ULK4: variants seen among roughly 807,000 people sequenced by gnomAD.
ULK4 encodes the protein unc-51 like kinase 4.
A neutral mutation model predicts 160.6 loss-of-function variants in ULK4; 133 were observed. That is an observed-to-expected ratio of 0.83 (90% confidence interval 0.72 to 0.96). The LOEUF (loss-of-function observed/expected upper bound fraction) is 0.96, where lower values mean the gene tolerates loss of function less well. Ranked by LOEUF, ULK4 falls within the 40% of genes least tolerant of loss-of-function variation. The pLI is 0.00. For missense variants in ULK4, 1,580 were observed against 1,499.5 expected (o/e 1.05, Z -0.89); for synonymous variants, 534 against 539.8 (o/e 0.99, Z 0.15).
At chr3:41,501,269 G>A (rs1284180014) in intron 32 of ULK4, among the ~76,000 whole-genome samples, 4 of 152,144 alleles carry the variant, frequency 2.6e-5, no homozygotes, top group East Asian at 3.9e-4. Context: ...AGGCCGAGAC[G>A]GGCGGATCAC....
chr3:41,841,529 C>T (rs1468438990), intron 17 of ULK4, among the ~76,000 whole-genome samples: 1 of 150,550 alleles, frequency 6.6e-6, no homozygotes, highest in East Asian at 2.0e-4. Flanking sequence ...CTCTGCCCAG[C>T]CGCCCTTCGT....
At chr3:41,842,139 C>CAAAAAAAAAAAAAAAAAAAA (rs60925540) in intron 17 of ULK4, among the ~76,000 whole-genome samples, 1 of 68,782 alleles carries the variant, frequency 1.5e-5, no homozygotes, top group Non-Finnish European at 3.2e-5. Flanking sequence ...TCAATAAATA[C>CAAAAAAAAAAAAAAAAAAAA]AAAAAAAAAA....
chr3:41,614,586 A>G (rs2032867224), intron 31 of ULK4, among the ~76,000 whole-genome samples: 1 of 152,188 alleles, frequency 6.6e-6, no homozygotes, highest in African/African-American at 2.4e-5. Flanking sequence ...TCCAGGCTCT[A>G]ACCTTACATG....
chr3:41,675,534 G>A (rs1210418940), intron 29 of ULK4, among the ~76,000 whole-genome samples: 1 of 152,132 alleles, frequency 6.6e-6, no homozygotes, highest in Non-Finnish European at 1.5e-5. Flanking sequence ...AGGTTGCAGT[G>A]AGCCAGGATT....
chr3:41,505,375 T>A (rs1273388048), intron 32 of ULK4, among the ~76,000 whole-genome samples: 2 of 152,168 alleles, frequency 1.3e-5, no homozygotes, highest in Non-Finnish European at 2.9e-5. Context: ...CAGAATCATA[T>A]ATGAGATCCA....
intron 35 of ULK4, among the ~76,000 whole-genome samples, chr3:41,275,901 T>C (rs2079221362): frequency 6.6e-6 from 1 of 152,244 alleles, no homozygotes; most frequent in South Asian, 2.1e-4. Flanking sequence ...TCATTGGGTA[T>C]GGGCTTTGTC....
At chr3:41,378,051 A>C (rs890631650) in intron 35 of ULK4, among the ~76,000 whole-genome samples, 6 of 151,972 alleles carry the variant, frequency 3.9e-5, no homozygotes, top group African/African-American at 1.5e-4. Context: ...GCCATAAAAA[A>C]GGATGAGTTC....
At chr3:41,378,785 AAAATAAAAT>A (rs1196312008) in intron 35 of ULK4, among the ~76,000 whole-genome samples, 9 of 151,812 alleles carry the variant, frequency 5.9e-5, no homozygotes, top group Non-Finnish European at 1.3e-4. Context: ...TATAATAAAT[AAAATAAAAT>A]AAATAAAATA....
At chr3:41,841,415 G>T (rs1233695879) in intron 17 of ULK4, among the ~76,000 whole-genome samples, 1 of 150,090 alleles carries the variant, frequency 6.7e-6, no homozygotes, top group East Asian at 2.0e-4. Flanking sequence ...GAGCGCCTGT[G>T]CCCGGCCGCC....
At chr3:41,522,987 C>A (rs1399165361) in intron 32 of ULK4, among the ~76,000 whole-genome samples, 1 of 152,176 alleles carries the variant, frequency 6.6e-6, no homozygotes, top group Non-Finnish European at 1.5e-5. Flanking sequence ...TCTCTGCTCA[C>A]TGTAACCTCC....
chr3:41,929,913 C>CA (rs1486142862), intron 5 of ULK4, among the ~76,000 whole-genome samples: 1 of 152,008 alleles, frequency 6.6e-6, no homozygotes, highest in African/African-American at 2.4e-5. Flanking sequence ...CCATATTGCC[C>CA]AAAGTAATTT....
intron 34 of ULK4, among the ~76,000 whole-genome samples, chr3:41,447,225 T>C (rs941985228): frequency 6.6e-6 from 1 of 151,940 alleles, no homozygotes; most frequent in East Asian, 1.9e-4. Context: ...ATCTCTCGCC[T>C]ATCGGTCTGT....
intron 14 of ULK4, among the ~76,000 whole-genome samples, 157 bp from the exon 15 acceptor site, chr3:41,897,160 T>G (rs918069223): frequency 6.6e-6 from 1 of 152,242 alleles, no homozygotes; most frequent in Non-Finnish European, 1.5e-5. Context: ...CTATTTTTAT[T>G]CGTCCTTCTA....
intron 35 of ULK4, among the ~76,000 whole-genome samples, chr3:41,344,168 AC>A (rs1027260648): frequency 1.3e-5 from 2 of 152,118 alleles, no homozygotes; most frequent in Non-Finnish European, 1.5e-5. Flanking sequence ...CAAAAACAAG[AC>A]CACACACCTA....
intron 19 of ULK4, among the ~76,000 whole-genome samples, chr3:41,814,909 T>G (rs1202125250): frequency 8.5e-6 from 1 of 117,820 alleles, no homozygotes; most frequent in African/African-American, 4.8e-5. Context: ...AATTCTGTCC[T>G]TTTTTTTTTT....
chr3:41,661,646 T>G (rs1407193676), intron 30 of ULK4, among the ~76,000 whole-genome samples: 1 of 152,156 alleles, frequency 6.6e-6, no homozygotes, highest in Admixed American at 6.5e-5. Context: ...GGGAGAAACC[T>G]GTGAGGCAGA....
intron 32 of ULK4, among the ~76,000 whole-genome samples, chr3:41,553,707 G>A (rs1356489683): frequency 6.6e-6 from 1 of 152,020 alleles, no homozygotes; most frequent in African/African-American, 2.4e-5. Context: ...TGAATACATA[G>A]TAGGTATATT....
At chr3:41,707,975 T>A (rs1418707003) in intron 25 of ULK4, among the ~76,000 whole-genome samples, 1 of 151,734 alleles carries the variant, frequency 6.6e-6, no homozygotes, top group African/African-American at 2.4e-5. Context: ...TCACTTCACA[T>A]CCATAAGAAT....
At chr3:41,495,798 C>A (rs763654912) in intron 32 of ULK4, among the ~76,000 whole-genome samples, 4 of 151,622 alleles carry the variant, frequency 2.6e-5, no homozygotes, top group Non-Finnish European at 4.4e-5. Context: ...CAAAAGAAGA[C>A]ATTTACGCAG....
Sources: allele counts gnomAD v4.1 joint callset (sites outside exome capture counted in the v4.1 genomes callset), GRCh38; gene constraint gnomAD v4.1.1; transcripts MANE v1.5; gene names NCBI Gene and HGNC (gene_info 2026-07-23, HGNC 2026-07-21).